The following AKT2 variants were observed in gnomAD, a reference collection of about 807,000 sequenced individuals.
AKT2 encodes the protein RAC-beta serine/threonine-protein kinase.
Under a neutral mutation model 58.6 loss-of-function variants are expected in AKT2, and 16 were observed. The observed-to-expected ratio is 0.27, with a 90% CI of 0.18 to 0.41. AKT2 has a LOEUF of 0.41. Ranked by LOEUF, AKT2 falls within the 10% of genes least tolerant of loss-of-function variation. The pLI is 1.00. For synonymous variants in AKT2, 253 were observed against 254.0 expected, an observed-to-expected ratio of 1.00 and a Z score of 0.04; for missense variants, 438 against 661.0, an observed-to-expected ratio of 0.66 and a Z score of 3.70.
Position 40,235,411 on chromosome 19 carries a change from T to C in AKT2, c.1176-61A>G. 6.6e-7 allele frequency: 1 copy of C among 1,523,548 alleles called. No homozygotes were observed. The highest frequency in any genetic ancestry group is 9.1e-7 in the Non-Finnish European group (1 of 1,101,794). 94.4% of individuals were successfully genotyped at this position (1,523,548 alleles called of 1,614,324 possible). Reference sequence around the variant, plus strand: ...AGCAGCTGGGTTCGGGCAGACGGGCTTTCGGAGCAGGCAGGCCCTGTATGG... The same window carrying C: ...AGCAGCTGGGTTCGGGCAGACGGGCCTTCGGAGCAGGCAGGCCCTGTATGG... On this transcript the variant is annotated intron_variant, in intron 11 of 13. Transcript: ENST00000392038. The surrounding 1 kb of genome is among the most constrained non-coding windows in gnomAD (Gnocchi z 6.3).
rs1157479452 is a variant in AKT2, at chr19:40,234,860, C to T, written c.1366+185G>A. ...CTCCAGAACGTGCTGCAGTCAATGG[C>T]TCCTGGTGGCCTCACCAGGTCCAAA... On this transcript the variant is annotated intron_variant, in intron 13 of 13. Transcript: ENST00000392038. This position sits in a 1 kb window ranked among gnomAD's most constrained non-coding sequence, Gnocchi z 4.7. The T allele has an allele frequency of 4.3e-6, 3 of 691,946 alleles. No homozygotes were observed. Among genetic ancestry groups the T allele is most frequent in the East Asian group, 2.7e-5 (1 of 37,094 alleles). The allele number at this position is 691,946 out of a possible 1,614,324, so 42.9% of individuals were successfully genotyped here. A position where few individuals can be genotyped will look rare whatever the true frequency, so the allele number is the denominator to read the frequency against.
At chr19:40,267,846 A>C (rs2145378453) in intron 1 of AKT2, among the ~76,000 whole-genome samples, 1 of 152,282 alleles carries the variant, frequency 6.6e-6, no homozygotes, top group Non-Finnish European at 1.5e-5. Context: ...ACGAATATGC[A>C]AATAATCAGG....
intron 2 of AKT2, among the ~76,000 whole-genome samples, chr19:40,258,735 A>T (rs1975732775): frequency 6.6e-6 from 1 of 151,434 alleles, no homozygotes; most frequent in African/African-American, 2.4e-5. Context: ...GTATACTACA[A>T]AACATTGTTT....
intron 1 of AKT2, 98 bp downstream of exon 1, chr19:40,285,083 C>A: frequency 2.6e-6 from 1 of 388,540 alleles, no homozygotes; most frequent in Non-Finnish European, 4.6e-6. Context: ...GCGGTCCCCC[C>A]GCCGGGCACG....
At chr19:40,255,019 C>G in intron 4 of AKT2, 139 bp downstream of exon 4, 1 of 688,652 alleles carries the variant, frequency 1.5e-6, no homozygotes, top group Non-Finnish European at 2.7e-6. Flanking sequence ...TCAGCCCCAG[C>G]TGGAGAGACC....
At position 40,265,212 on chromosome 19, in the gene AKT2, G is replaced by T. The variant is rs368346483; in HGVS notation, c.46+10C>A. The T allele has an allele frequency of 3.1e-6, 5 of 1,612,294 alleles. No individual in the cohort carries two copies. The highest frequency in any genetic ancestry group is 1.3e-5 in the African/African-American group (1 of 74,918). On this transcript the variant is annotated intron_variant, in intron 2 of 13. Transcript: ENST00000392038. ...GAGAAAGAATCTGGCGGGCAAAAGC[G>T]GCCTCTTACCACGCTTGTGGAGCCA...
intron 1 of AKT2, among the ~76,000 whole-genome samples, chr19:40,272,072 G>C (rs959548587): frequency 6.6e-6 from 1 of 152,126 alleles, no homozygotes; most frequent in African/African-American, 2.4e-5. Flanking sequence ...TGAGTGCTTC[G>C]CACATACCAA....
In AKT2 at chr19:40,256,913, T is replaced by C. The variant is rs771958666; in HGVS notation, c.175+13A>G. 42 of 1,613,770 alleles carry C rather than the reference T, an allele frequency of 2.6e-5. No individual in the cohort carries two copies. The highest frequency in any genetic ancestry group is 3.3e-5 in the Non-Finnish European group (39 of 1,179,870). ...GAGCACCAGAACACTGACCCACTCATCCCAAGACACACCTGCTACGGAGAA... is the reference window on the plus strand; with the variant it reads ...GAGCACCAGAACACTGACCCACTCACCCCAAGACACACCTGCTACGGAGAA... On this transcript the variant is annotated intron_variant, in intron 3 of 13. Transcript: ENST00000392038.
intron 2 of AKT2, among the ~76,000 whole-genome samples, chr19:40,260,774 T>C (rs1030152236): frequency 6.6e-6 from 1 of 150,444 alleles, no homozygotes; most frequent in Non-Finnish European, 1.5e-5. Context: ...CGCTACTACA[T>C]AGAGGAACCT....
chr19:40,280,110 A>C (rs1383784724), intron 1 of AKT2, among the ~76,000 whole-genome samples: 1 of 152,208 alleles, frequency 6.6e-6, no homozygotes, highest in Non-Finnish European at 1.5e-5. Flanking sequence ...CGCCAGTCAC[A>C]AGCCCTGGTC....
At position 40,234,349 on chromosome 19, in the gene AKT2, T is replaced by A; in HGVS notation, c.1367-398A>T. ...TGCTTTAACCCTGTCCCTCTCTGTA[T>A]GAAACCCTTCCATGGCTGGCTCCCG... On this transcript the variant is annotated intron_variant, in intron 13 of 13. Coordinates refer to ENST00000392038, the MANE Select transcript of AKT2 (RefSeq NM_001626.6). The surrounding 1 kb of genome is among the most constrained non-coding windows in gnomAD (Gnocchi z 4.7). 1 of 255,418 alleles carries A rather than the reference T, an allele frequency of 3.9e-6. No homozygotes were observed. The highest frequency in any genetic ancestry group is 7.5e-6 in the Non-Finnish European group (1 of 132,544). The allele number at this position is 255,418 out of a possible 1,614,324, so 15.8% of individuals were successfully genotyped here.
rs756973003 is a variant in AKT2 at position 40,256,987 on chromosome 19, G to A, written c.114C>T (p.Tyr38=). 1.2e-6 allele frequency: 2 copies of A among 1,614,190 alleles called. No homozygotes were observed. Among genetic ancestry groups the A allele is most frequent in the Non-Finnish European group, 1.7e-6 (2 of 1,180,012 alleles). The change falls in exon 3 of 14, where the codon TAC becomes TAT. Residue 38 remains tyrosine, a synonymous_variant. Transcript: ENST00000392038. ...LLKSDGSFIG[Y]KERPEAPDQT... is the part of the protein sequence containing the mutation. ...GATCAGGGGCCTCGGGCCTCTCCTT[G>A]TACCCAATGAAGGAGCCGTCGCTCT... is the stretch of plus-strand genomic sequence containing the variant.
chr19:40,240,194 G>T, intron 6 of AKT2, 84 bp from the exon 7 acceptor site: 1 of 1,349,794 alleles, frequency 7.4e-7, no homozygotes, highest in Non-Finnish European at 1.1e-6. Context: ...AAGGCCTTGT[G>T]AAATGCAATT....
intron 4 of AKT2, among the ~76,000 whole-genome samples, chr19:40,253,893 G>C (rs1975347884): frequency 6.6e-6 from 1 of 151,264 alleles, no homozygotes; most frequent in African/African-American, 2.4e-5. Context: ...CAAAGCAGCT[G>C]CATCTCTCCA....
At chr19:40,275,327 C>T (rs1317128603) in intron 1 of AKT2, 2 of 456,346 alleles carry the variant, frequency 4.4e-6, no homozygotes, top group Admixed American at 2.3e-5. Context: ...TGACCCACGT[C>T]GCTCTGCATC....
chr19:40,273,217 T>A (rs1200267077), intron 1 of AKT2, among the ~76,000 whole-genome samples: 2 of 151,926 alleles, frequency 1.3e-5, no homozygotes, highest in African/African-American at 4.8e-5. Flanking sequence ...GGCAGGCACC[T>A]GTAATTCCAG....
Position 40,235,514 on chromosome 19 carries a change from C to G in AKT2, c.1176-164G>C, listed in dbSNP as rs546961838. ...GGCTCAGGGAGGGAGCTCACGTGCCCAGGGTCAGAGCCAGGGAGTCAGCAA... is the reference window on the plus strand; with the variant it reads ...GGCTCAGGGAGGGAGCTCACGTGCCGAGGGTCAGAGCCAGGGAGTCAGCAA... On this transcript the variant is annotated intron_variant, in intron 11 of 13. Transcript: ENST00000392038. The surrounding 1 kb of genome is among the most constrained non-coding windows in gnomAD (Gnocchi z 6.3). 2.7e-6 allele frequency: 2 copies of G among 737,570 alleles called. No homozygotes were observed. Among genetic ancestry groups the G allele is most frequent in the Non-Finnish European group, 4.7e-6 (2 of 427,148 alleles). The allele number at this position is 737,570 out of a possible 1,614,324, so 45.7% of individuals were successfully genotyped here.
chr19:40,239,375 A>C (rs2145187252), intron 7 of AKT2: 2 of 242,188 alleles, frequency 8.3e-6, no homozygotes, highest in Middle Eastern at 1.6e-3. Flanking sequence ...CTGTCAGTCA[A>C]CAAACAGTAG....
Position 40,234,531 on chromosome 19 carries a change from A to G in AKT2, c.1366+514T>C, listed in dbSNP as rs762802589. 1.3e-5 allele frequency: 4 copies of G among 297,570 alleles called. No individual in the cohort carries two copies. Among genetic ancestry groups the G allele is most frequent in the Non-Finnish European group, 2.5e-5 (4 of 159,644 alleles). The allele number at this position is 297,570 out of a possible 1,614,324, so 18.4% of individuals were successfully genotyped here. On this transcript the variant is annotated intron_variant, in intron 13 of 13. Coordinates refer to ENST00000392038, the MANE Select transcript of AKT2 (RefSeq NM_001626.6). The surrounding 1 kb of genome is among the most constrained non-coding windows in gnomAD (Gnocchi z 4.7). ...CATCCCACACGTCATTCCTCCGGCC[A>G]GCTGACACGTTTGCTTCCTCCTCTA... is the stretch of plus-strand genomic sequence containing the variant.
Sources: gnomAD v4.1 joint callset for allele counts (sites outside exome capture counted in the v4.1 genomes callset) on GRCh38, gnomAD v4.1.1 for gene constraint, Gnocchi (gnomAD v3.1) non-coding constraint, MANE v1.5 for transcripts, NCBI Gene and HGNC (gene_info 2026-07-23, HGNC 2026-07-21) for gene names.